CHI3L1: variants seen among roughly 807,000 people sequenced by gnomAD.
CHI3L1 encodes the protein chitinase-3-like protein 1.
Under a neutral mutation model 40.7 loss-of-function variants are expected in CHI3L1, and 30 were observed. The ratio of observed to expected loss-of-function variants is 0.74; its 90% CI spans 0.55 to 1.00. The LOEUF (loss-of-function observed/expected upper bound fraction) is 1.00. CHI3L1 is among the 50% of genes least tolerant of loss of function. CHI3L1 has a pLI of 0.00. For synonymous variants in CHI3L1, 210 were observed against 192.1 expected (o/e 1.09, Z -0.77); for missense variants, 493 against 492.2 (o/e 1.00, Z -0.01).
chr1:203,185,589 C>T (rs1437235897), intron 2 of CHI3L1, among the ~76,000 whole-genome samples: 1 of 152,138 alleles, frequency 6.6e-6, no homozygotes, highest in East Asian at 1.9e-4. Context: ...GAAAATAAGG[C>T]CTATTCTGAA....
intron 8 of CHI3L1, 125 bp downstream of exon 8, chr1:203,180,345 A>G (rs925214884): frequency 2.2e-6 from 2 of 906,276 alleles, no homozygotes; most frequent in Admixed American, 2.8e-5. Flanking sequence ...TTCCTCAGGC[A>G]TGCTGGGGCA....
chr1:203,185,635 C>G (rs573241655), intron 2 of CHI3L1, among the ~76,000 whole-genome samples: 1 of 152,182 alleles, frequency 6.6e-6, no homozygotes, highest in South Asian at 2.1e-4. Flanking sequence ...GGGATGAATA[C>G]GCTACAGGCA....
chr1:203,183,641 C>G lies in CHI3L1; in HGVS notation c.465G>C (p.Lys155Asn), dbSNP rs758983120. The change falls in exon 5 of 10, where the codon AAG (lysine) becomes AAC (asparagine). Residue 155 changes from lysine to asparagine, a missense_variant and splice_region_variant. Transcript: ENST00000255409. ...TCCCTGTCCCTGACCTGACCAGCACCTTGATTAGGGTGGTAAAATGCTGTT... is the reference window on the plus strand; with the variant it reads ...TCCCTGTCCCTGACCTGACCAGCACGTTGATTAGGGTGGTAAAATGCTGTT... Reference protein sequence around the residue: ...RDKQHFTTLIKEMKAEFIKEA... With the variant: ...RDKQHFTTLINEMKAEFIKEA... 6.2e-7 allele frequency: 1 copy of G among 1,614,128 alleles called. No individual in the cohort carries two copies. Among genetic ancestry groups the G allele is most frequent in the Non-Finnish European group, 8.5e-7 (1 of 1,180,032 alleles).
chr1:203,184,676 T>C (rs1656019001), intron 3 of CHI3L1, 44 bp from the exon 4 acceptor site: 6 of 1,542,864 alleles, frequency 3.9e-6, no homozygotes, highest in Non-Finnish European at 5.4e-6. Flanking sequence ...TGGAATGACA[T>C]TGTCATGACA....
At position 203,179,557 on chromosome 1, in the gene CHI3L1, G is replaced by A. The variant is rs527531482; in HGVS notation, c.1040C>T (p.Ala347Val). 4.1e-5 allele frequency: 66 copies of A among 1,608,606 alleles called. No homozygotes were observed. In the East Asian group the frequency reaches 5.6e-4, roughly 14 times the overall value. ...GTCCAGGGCCCATACCATGGCGCCC[G>A]CCAGCTGCCTGTCCTTCAGGTACTG... ...KVQYLKDRQL[A>V]GAMVWALDLD... Residue 347 changes from alanine to valine, a missense_variant, in exon 10 of 10, where the codon GCG becomes GTG. Physicochemically the swap from Ala to Val is moderately conservative, Grantham distance 64. Coordinates refer to ENST00000255409, the MANE Select transcript of CHI3L1 (RefSeq NM_001276.4).
At position 203,186,304 on chromosome 1, in the gene CHI3L1, G is replaced by A; in HGVS notation, c.55+12C>T. Reference sequence around the variant, plus strand: ...CTCTGGACTTAAAAGTGGAGGTGGAGGGATTACTCACAGCACTGGAGCAGC... The same window carrying A: ...CTCTGGACTTAAAAGTGGAGGTGGAAGGATTACTCACAGCACTGGAGCAGC... On this transcript the variant is annotated intron_variant, in intron 2 of 9. Transcript: ENST00000255409. 2 of 1,583,928 alleles carry A rather than the reference G, an allele frequency of 1.3e-6. No individual in the cohort carries two copies. The highest frequency in any genetic ancestry group is 1.7e-6 in the Non-Finnish European group (2 of 1,164,028).
chr1:203,185,524 T>A, intron 2 of CHI3L1, 139 bp from the exon 3 acceptor site: 2 of 689,590 alleles, frequency 2.9e-6, no homozygotes, highest in Non-Finnish European at 2.5e-6. Flanking sequence ...TCAGAATTCT[T>A]AAATGAAAGG....
At chr1:203,180,441 G>T (rs773173530) in intron 8 of CHI3L1, 29 bp downstream of exon 8, 2 of 1,512,614 alleles carry the variant, frequency 1.3e-6, no homozygotes, top group Non-Finnish European at 1.8e-6. Context: ...TGGTGTGGGG[G>T]AATCCTACCT....
chr1:203,185,291 G>C lies in CHI3L1; in HGVS notation c.150C>G (p.Leu50=), dbSNP rs867618704. 1 of 1,614,234 alleles carries C rather than the reference G, an allele frequency of 6.2e-7. No individual in the cohort carries two copies. The highest frequency in any genetic ancestry group is 8.5e-7 in the Non-Finnish European group (1 of 1,180,032). Residue 50 remains leucine (L), a synonymous_variant, in exon 3 of 10, where the codon CTC becomes CTG. Coordinates refer to ENST00000255409, the MANE Select transcript of CHI3L1 (RefSeq NM_001276.4). ...SCFPDALDRF[L]CTHIIYSFAN... ...CAAAGCTGTAGATGATGTGGGTACA[G>C]AGGAAGCGGTCAAGGGCATCTGGGA...
intron 4 of CHI3L1, 35 bp downstream of exon 4, chr1:203,184,541 C>T: frequency 1.3e-6 from 2 of 1,577,236 alleles, no homozygotes; most frequent in Non-Finnish European, 1.7e-6. Context: ...ATGCCATCAT[C>T]CTCTGCCGTC....
At chr1:203,185,592 A>G (rs1274306763) in intron 2 of CHI3L1, among the ~76,000 whole-genome samples, 2 of 152,222 alleles carry the variant, frequency 1.3e-5, no homozygotes, top group African/African-American at 2.4e-5. Context: ...AATAAGGCCT[A>G]TTCTGAAAAT....
Position 203,186,594 on chromosome 1 carries a change from G to A in CHI3L1, c.25+5C>T. The A allele has an allele frequency of 1.2e-6, 2 of 1,614,134 alleles. No individual in the cohort carries two copies. Among genetic ancestry groups the A allele is most frequent in the Non-Finnish European group, 1.7e-6 (2 of 1,180,020 alleles). On this transcript the variant is annotated splice_donor_5th_base_variant and intron_variant, in intron 1 of 9. Coordinates refer to ENST00000255409, the MANE Select transcript of CHI3L1 (RefSeq NM_001276.4). The stretch of plus-strand genomic sequence containing the variant: ...TGATGGATTAACCTTGGCTAGCCCA[G>A]ATACCTGTTTGAGACGCCTTCACAC...
At position 203,179,138 on chromosome 1, in the gene CHI3L1, G is replaced by A. The variant is rs552222824; in HGVS notation, c.*307C>T. 8.4e-6 allele frequency: 2 copies of A among 239,336 alleles called. No individual in the cohort carries two copies. The allele number at this position is 239,336 out of a possible 1,614,324, so 14.8% of individuals were successfully genotyped here. On this transcript the variant is annotated 3_prime_UTR_variant, in exon 10 of 10. Coordinates refer to ENST00000255409, the MANE Select transcript of CHI3L1 (RefSeq NM_001276.4). ...GTCCTTTGATAAGGAGGGCTGGGGG[G>A]CAGGGAGTTGAAGAAATTCCCTTGC...
At position 203,180,648 on chromosome 1, in the gene CHI3L1, T is replaced by C. The variant is rs757178196; in HGVS notation, c.716A>G (p.Tyr239Cys). 5.0e-6 allele frequency: 8 copies of C among 1,591,950 alleles called. No homozygotes were observed. In the East Asian group the frequency reaches 1.1e-4, roughly 22 times the overall value. ...CAGCCTCAACATGTACCCCACAGCA[T>C]AGTCCTGGGTGGGGTAGGGTGGGAA... is the stretch of plus-strand genomic sequence containing the variant. ...ASPDRFSNTD[Y>C]AVGYMLRLGA... Residue 239 changes from tyrosine (Y) to cysteine (C), a missense_variant, in exon 8 of 10, where the codon TAT becomes TGT. Physicochemically the swap from Tyr to Cys is radical, Grantham distance 194. Coordinates refer to ENST00000255409, the MANE Select transcript of CHI3L1 (RefSeq NM_001276.4).
At position 203,186,688 on chromosome 1, in the gene CHI3L1, T is replaced by C. The variant is rs1656063820; in HGVS notation, c.-65A>G. 1 of 1,592,960 alleles carries C rather than the reference T, an allele frequency of 6.3e-7. No homozygotes were observed. Among genetic ancestry groups the C allele is most frequent in the Non-Finnish European group, 8.6e-7 (1 of 1,161,442 alleles). On this transcript the variant is annotated 5_prime_UTR_variant, in exon 1 of 10. Coordinates refer to ENST00000255409, the MANE Select transcript of CHI3L1 (RefSeq NM_001276.4). ...CTTGCCCACGGCTCCTGGTGCCAGC[T>C]ACCTAGACAGGGCCTCTTCCCCAGG... is the stretch of plus-strand genomic sequence containing the variant.
At position 203,181,431 on chromosome 1, in the gene CHI3L1, G is replaced by C. The variant is rs370659383; in HGVS notation, c.588-146C>G. On this transcript the variant is annotated intron_variant, in intron 6 of 9. Coordinates refer to ENST00000255409, the MANE Select transcript of CHI3L1 (RefSeq NM_001276.4). ...AGGTGAGGAGTTCAAGACCAGCCTG[G>C]CCAAGATGGTGAAACCCCGTCTCTA... 3 of 764,446 alleles carry C rather than the reference G, an allele frequency of 3.9e-6. No homozygotes were observed. In the African/African-American group the frequency reaches 5.4e-5, roughly 14 times the overall value. 47.4% of individuals were successfully genotyped at this position (764,446 alleles called of 1,614,324 possible).
At chr1:203,186,492 C>G (rs1256879847) in intron 1 of CHI3L1, 107 bp downstream of exon 1, 1 of 1,545,736 alleles carries the variant, frequency 6.5e-7, no homozygotes, top group South Asian at 1.1e-5. Flanking sequence ...TCTCCTCCCC[C>G]TCTGCCCACT....
chr1:203,184,700 T>A, intron 3 of CHI3L1, 68 bp from the exon 4 acceptor site: 1 of 1,376,070 alleles, frequency 7.3e-7, no homozygotes, highest in Non-Finnish European at 1.0e-6. Flanking sequence ...GGTGGCCCCA[T>A]GTCTGAGAGG....
intron 2 of CHI3L1, among the ~76,000 whole-genome samples, chr1:203,185,919 GT>G (rs1020891473): frequency 6.6e-6 from 1 of 152,100 alleles, no homozygotes; most frequent in African/African-American, 2.4e-5. Context: ...CCCTCGGCAT[GT>G]CCCCCAGGCT....
Sources: gnomAD v4.1 joint callset for allele counts (sites outside exome capture counted in the v4.1 genomes callset) on GRCh38, gnomAD v4.1.1 for gene constraint, MANE v1.5 for transcripts, NCBI Gene and HGNC (gene_info 2026-07-23, HGNC 2026-07-21) for gene names.